Variants in BOLL observed in about 807,000 individuals in gnomAD.
BOLL encodes protein boule-like.
BOLL carries 23 observed loss-of-function variants against 44.4 expected under a neutral mutation model. That is an observed-to-expected ratio of 0.52 (90% CI 0.37 to 0.73). BOLL has a LOEUF of 0.73. BOLL is among the 30% of genes least tolerant of loss of function. The pLI is 0.00. For missense variants in BOLL, 287 were observed against 338.3 expected, an observed-to-expected ratio of 0.85 and a Z score of 1.19; for synonymous variants, 97 against 110.8, an observed-to-expected ratio of 0.88 and a Z score of 0.78.
At chr2:197,734,091 A>G (rs1184315531) in intron 10 of BOLL, among the ~76,000 whole-genome samples, 1 of 151,528 alleles carries the variant, frequency 6.6e-6, no homozygotes, top group Non-Finnish European at 1.5e-5. Flanking sequence ...TCCAGAATCT[A>G]CAATGAACTC....
chr2:197,751,750 A>G (rs775439924), intron 9 of BOLL, among the ~76,000 whole-genome samples: 4 of 152,134 alleles, frequency 2.6e-5, no homozygotes, highest in Admixed American at 6.5e-5. Flanking sequence ...TTCTGAAACT[A>G]TTCCAAATAA....
chr2:197,747,120 C>CA (rs1216976089), intron 9 of BOLL, among the ~76,000 whole-genome samples: 1 of 151,128 alleles, frequency 6.6e-6, no homozygotes, highest in Non-Finnish European at 1.5e-5. Flanking sequence ...TCACCACAAA[C>CA]AAAAAAAAGG....
chr2:197,739,802 C>A (rs1397586047), intron 10 of BOLL, among the ~76,000 whole-genome samples: 2 of 152,026 alleles, frequency 1.3e-5, no homozygotes, highest in African/African-American at 4.8e-5. Context: ...TTCTCCTATC[C>A]AAATACCACC....
At chr2:197,733,796 T>G (rs1171676167) in intron 10 of BOLL, among the ~76,000 whole-genome samples, 1 of 152,262 alleles carries the variant, frequency 6.6e-6, no homozygotes, top group East Asian at 1.9e-4. Flanking sequence ...CCTTACACCT[T>G]ACACAAGAAT....
At chr2:197,748,307 A>T (rs901232583) in intron 9 of BOLL, among the ~76,000 whole-genome samples, 1 of 152,298 alleles carries the variant, frequency 6.6e-6, no homozygotes, top group Middle Eastern at 3.4e-3. Flanking sequence ...CTGGGTGCCC[A>T]TTTGGGCAGA....
At chr2:197,758,106 G>T (rs1559406014) in intron 7 of BOLL, among the ~76,000 whole-genome samples, 1 of 152,142 alleles carries the variant, frequency 6.6e-6, no homozygotes, top group Non-Finnish European at 1.5e-5. Flanking sequence ...TTCCTTAAAA[G>T]GTTAAACAAA....
Position 197,766,591 on chromosome 2 carries a change from A to G in BOLL, c.493T>C (p.Cys165Arg), listed in dbSNP as rs143157211. The G allele has an allele frequency of 1.2e-6, 2 of 1,612,200 alleles. No homozygotes were observed. Among genetic ancestry groups the G allele is most frequent in the African/African-American group, 1.3e-5 (1 of 74,994 alleles). The change falls in exon 7 of 11, where the codon TGT becomes CGT. Residue 165 changes from cysteine to arginine, a missense_variant. By Grantham distance (180) the Cys-to-Arg change is radical. Transcript: ENST00000392296. ...TGAGCTACCATCACAGGGGAGCTAC[A>G]TACAGAACGTGACTATAAAAGGATG... ...VPPPWPSRSV[C>R]SSPVMVAQPI...
At chr2:197,770,910 C>T (rs1020061772) in intron 6 of BOLL, among the ~76,000 whole-genome samples, 1 of 152,066 alleles carries the variant, frequency 6.6e-6, no homozygotes, top group Non-Finnish European at 1.5e-5. Flanking sequence ...GGAGTGTAAA[C>T]TAGTTCAACC....
At chr2:197,766,764 C>T (rs1420592540) in intron 6 of BOLL, among the ~76,000 whole-genome samples, 161 bp from the exon 7 acceptor site, 1 of 152,010 alleles carries the variant, frequency 6.6e-6, no homozygotes, top group Non-Finnish European at 1.5e-5. Flanking sequence ...TCTACTAAGT[C>T]TATTAAAATC....
At chr2:197,757,431 AT>A in intron 7 of BOLL, 31 bp from the exon 8 acceptor site, 2 of 1,586,590 alleles carry the variant, frequency 1.3e-6, no homozygotes, top group Non-Finnish European at 1.7e-6. Flanking sequence ...AGAAAAACCC[AT>A]TCTGATTATA....
intron 7 of BOLL, among the ~76,000 whole-genome samples, chr2:197,765,614 A>G (rs973967958): frequency 2.0e-5 from 3 of 151,684 alleles, no homozygotes. Context: ...TTTGTCAATG[A>G]AAAAAAATTA....
At chr2:197,740,849 G>A (rs970356968) in intron 10 of BOLL, among the ~76,000 whole-genome samples, 1 of 152,094 alleles carries the variant, frequency 6.6e-6, no homozygotes, top group Non-Finnish European at 1.5e-5. Flanking sequence ...TGTAATTAAT[G>A]CCACTGAATT....
At chr2:197,744,486 T>C (rs1213645705) in intron 9 of BOLL, among the ~76,000 whole-genome samples, 1 of 152,148 alleles carries the variant, frequency 6.6e-6, no homozygotes, top group African/African-American at 2.4e-5. Context: ...GGAAAGTTTG[T>C]GTCAGTTAGG....
chr2:197,744,675 C>T (rs553167467), intron 9 of BOLL, among the ~76,000 whole-genome samples: 1 of 152,280 alleles, frequency 6.6e-6, no homozygotes, highest in Non-Finnish European at 1.5e-5. Flanking sequence ...GTGTGTGTCA[C>T]AGGATAATAT....
upstream of BOLL, among the ~76,000 whole-genome samples, chr2:197,785,781 G>A (rs1236005970): frequency 6.6e-6 from 1 of 151,776 alleles, no homozygotes; most frequent in Non-Finnish European, 1.5e-5. This position sits in a 1 kb window ranked among gnomAD's most constrained non-coding sequence, Gnocchi z 6.7. Flanking sequence ...GCGCCTTTCT[G>A]ACCCCCATGA....
intron 10 of BOLL, among the ~76,000 whole-genome samples, chr2:197,734,789 T>A (rs932692576): frequency 2.1e-4 from 32 of 152,130 alleles, no homozygotes; most frequent in Admixed American, 1.9e-3. Flanking sequence ...AAGGGGAATA[T>A]CACACAGAGG....
intron 6 of BOLL, among the ~76,000 whole-genome samples, chr2:197,771,424 C>T (rs968636454): frequency 3.3e-5 from 5 of 151,634 alleles, no homozygotes; most frequent in African/African-American, 1.2e-4. Context: ...TACAGCACAC[C>T]AACATGGCAC....
At chr2:197,779,416 C>G (rs1477990655) in intron 2 of BOLL, among the ~76,000 whole-genome samples, 1 of 151,884 alleles carries the variant, frequency 6.6e-6, no homozygotes, top group Non-Finnish European at 1.5e-5. Context: ...AGTAAGGGTA[C>G]AATACTATTT....
At chr2:197,751,735 A>G (rs2106341210) in intron 9 of BOLL, among the ~76,000 whole-genome samples, 1 of 152,248 alleles carries the variant, frequency 6.6e-6, no homozygotes, top group South Asian at 2.1e-4. Flanking sequence ...AGCTAGTACC[A>G]TTCCTTCTGA....
Sources: allele counts gnomAD v4.1 joint callset (sites outside exome capture counted in the v4.1 genomes callset), GRCh38; gene constraint gnomAD v4.1.1; non-coding constraint Gnocchi (gnomAD v3.1); transcripts MANE v1.5; gene names NCBI Gene and HGNC (gene_info 2026-07-23, HGNC 2026-07-21).